STXBP5: variants seen among roughly 807,000 people sequenced by gnomAD.
STXBP5 encodes syntaxin binding protein 5.
In STXBP5, 50 loss-of-function variants were observed where a neutral mutation model predicts 152.4. That is an observed-to-expected ratio of 0.33 (90% CI 0.26 to 0.42). The LOEUF is 0.42. Ranked by LOEUF, STXBP5 falls within the 10% of genes least tolerant of loss-of-function variation. The pLI is 1.00. For synonymous variants in STXBP5, 492 were observed against 494.7 expected, an observed-to-expected ratio of 0.99 and a Z score of 0.07; for missense variants, 1,167 against 1,388.6, an observed-to-expected ratio of 0.84 and a Z score of 2.54.
At position 147,302,141 on chromosome 6, in the gene STXBP5, T is replaced by G. The variant is rs567330505; in HGVS notation, c.918-7943T>G. Reference sequence around the variant, plus strand: ...TATTTGTTTTTTAATTCATCACTGTTGAATTTAAACTGATATTACATATAT... The same window carrying G: ...TATTTGTTTTTTAATTCATCACTGTGGAATTTAAACTGATATTACATATAT... On this transcript the variant is annotated intron_variant, in intron 9 of 27. Coordinates refer to ENST00000321680, the MANE Select transcript of STXBP5 (RefSeq NM_001127715.4). Among the ~76,000 whole-genome samples, 174 of 152,268 alleles carry G rather than the reference T, an allele frequency of 1.1e-3. 2 individuals are homozygous for G. In the Middle Eastern group the frequency reaches 0.014, roughly 12 times the overall value.
At chr6:147,253,971 C>A (rs1156588758) in intron 4 of STXBP5, among the ~76,000 whole-genome samples, 1 of 151,890 alleles carries the variant, frequency 6.6e-6, no homozygotes, top group Non-Finnish European at 1.5e-5. Context: ...AACCAAAAAG[C>A]CCGTATAGCC....
At chr6:147,373,363 CAAAAAAAAAA>C (rs11341887) in intron 25 of STXBP5, among the ~76,000 whole-genome samples, 1 of 67,718 alleles carries the variant, frequency 1.5e-5, no homozygotes, top group Non-Finnish European at 2.7e-5. Context: ...GAGACTGTCT[CAAAAAAAAAA>C]AAAAAAAAAA....
intron 26 of STXBP5, among the ~76,000 whole-genome samples, chr6:147,382,154 C>G (rs1401033918): frequency 6.6e-6 from 1 of 152,030 alleles, no homozygotes; most frequent in Non-Finnish European, 1.5e-5. Flanking sequence ...TAAAAAGCAT[C>G]TGGATAGCAA....
intron 21 of STXBP5, chr6:147,351,944 T>G (rs1784605209): frequency 1.1e-6 from 1 of 952,158 alleles, no homozygotes; most frequent in African/African-American, 1.8e-5. Flanking sequence ...ACCTAATATA[T>G]TCATTCCTGT....
In STXBP5 at chr6:147,339,365, G is replaced by C; in HGVS notation, c.2235G>C (p.Lys745Asn). 1 of 1,498,328 alleles carries C rather than the reference G, an allele frequency of 6.7e-7. No homozygotes were observed. The allele number at this position is 1,498,328 out of a possible 1,614,324, so 92.8% of individuals were successfully genotyped here. The change falls in exon 21 of 28, where the codon AAG (lysine) becomes AAC (asparagine). Residue 745 changes from lysine to asparagine, a missense_variant. This residue lies in a region of STXBP5 where 833 missense variants were observed against 986.3 expected (regional missense o/e 0.84). Coordinates refer to ENST00000321680, the MANE Select transcript of STXBP5 (RefSeq NM_001127715.4). ...KVKTKSRKFSKMVANDIAKMS... is the reference protein window; with the variant it reads ...KVKTKSRKFSNMVANDIAKMS... ...AGACCAAAAGCAGAAAGTTTTCCAA[G>C]ATGGTAGCCAATGATATAGGTAGGA... is the stretch of plus-strand genomic sequence containing the variant.
At chr6:147,291,712 A>G (rs997574631) in intron 9 of STXBP5, among the ~76,000 whole-genome samples, 21 of 152,124 alleles carry the variant, frequency 1.4e-4, no homozygotes, top group African/African-American at 4.8e-4. Flanking sequence ...TATTTTATGT[A>G]TATTTTTGTG....
At chr6:147,384,028 T>C (rs1243411516) in intron 27 of STXBP5, among the ~76,000 whole-genome samples, 2 of 152,104 alleles carry the variant, frequency 1.3e-5, no homozygotes, top group African/African-American at 4.8e-5. Flanking sequence ...TTTCAGTCAA[T>C]TTCGGAATAT....
intron 4 of STXBP5, 75 bp downstream of exon 4, chr6:147,239,345 T>G: frequency 7.7e-7 from 1 of 1,295,258 alleles, no homozygotes; most frequent in East Asian, 2.4e-5. Flanking sequence ...CTTTGATTTT[T>G]TGTGTGTGAT....
In STXBP5 at chr6:147,359,187, T is replaced by C; in HGVS notation, c.2409T>C (p.Phe803=). 6.2e-7 allele frequency: 1 copy of C among 1,614,062 alleles called. No individual in the cohort carries two copies. Among genetic ancestry groups the C allele is most frequent in the South Asian group, 1.1e-5 (1 of 91,086 alleles). Residue 803 remains phenylalanine (F), a synonymous_variant, in exon 23 of 28, where the codon TTT becomes TTC. Coordinates refer to ENST00000321680, the MANE Select transcript of STXBP5 (RefSeq NM_001127715.4). ...AISALHFCET[F]TRKTDSSPSP... is the part of the protein sequence containing the mutation. ...CCGCTCTTCATTTCTGTGAAACGTTTACTCGAAAGACGGACTCGTCCCCTT... is the reference window on the plus strand; with the variant it reads ...CCGCTCTTCATTTCTGTGAAACGTTCACTCGAAAGACGGACTCGTCCCCTT...
Position 147,283,994 on chromosome 6 carries a change from T to A in STXBP5, c.838+5790T>A, listed in dbSNP as rs193296259. 8.1e-3 allele frequency among the ~76,000 whole-genome samples: 1,234 copies of A among 152,310 alleles called. 19 individuals are homozygous for A. The highest frequency in any genetic ancestry group is 0.028 in the African/African-American group (1,184 of 41,544). ...ATTCTAAATTTGCTAGTAACCATGT[T>A]AAAAACAGTAAAAAGAAACAGGTAA... On this transcript the variant is annotated intron_variant, in intron 8 of 27. Coordinates refer to ENST00000321680, the MANE Select transcript of STXBP5 (RefSeq NM_001127715.4).
intron 16 of STXBP5, among the ~76,000 whole-genome samples, chr6:147,324,534 T>A (rs1287200323): frequency 6.6e-6 from 1 of 152,138 alleles, no homozygotes; most frequent in Non-Finnish European, 1.5e-5. Flanking sequence ...CTTCCCAAAG[T>A]GCTGGGATTA....
chr6:147,366,024 C>A (rs939364674), intron 25 of STXBP5, among the ~76,000 whole-genome samples: 11 of 152,108 alleles, frequency 7.2e-5, no homozygotes, highest in African/African-American at 2.7e-4. Context: ...AAGAAGGTGT[C>A]CCAGCTTTAA....
At chr6:147,225,039 G>A (rs930573956) in intron 2 of STXBP5, among the ~76,000 whole-genome samples, 2 of 152,116 alleles carry the variant, frequency 1.3e-5, no homozygotes, top group South Asian at 2.1e-4. Context: ...ACTTAAAAAG[G>A]TTTAAATTAC....
chr6:147,257,301 G>T (rs1489558893), intron 4 of STXBP5, among the ~76,000 whole-genome samples: 1 of 151,432 alleles, frequency 6.6e-6, no homozygotes, highest in Non-Finnish European at 1.5e-5. Context: ...TCTTGGTTCA[G>T]CTTATCCATT....
At position 147,213,350 on chromosome 6, in the gene STXBP5, C is replaced by A. The variant is rs1035107200; in HGVS notation, c.248+7282C>A. ...CTCGCTGCAGCCTAGACCTCCCGGG[C>A]TCAAACGATCTTCCTGCCTCAGCTT... On this transcript the variant is annotated intron_variant, in intron 2 of 27. Transcript: ENST00000321680. Among the ~76,000 whole-genome samples, 4 of 151,280 alleles carry A rather than the reference C, an allele frequency of 2.6e-5. No homozygotes were observed. In the South Asian group the frequency reaches 8.4e-4, roughly 32 times the overall value.
chr6:147,222,899 C>T (rs1777530044), intron 2 of STXBP5, among the ~76,000 whole-genome samples: 1 of 152,214 alleles, frequency 6.6e-6, no homozygotes, highest in Non-Finnish European at 1.5e-5. Context: ...TCCTCAGTTA[C>T]AGTGCTTGCT....
chr6:147,233,584 A>G (rs1778118850), intron 2 of STXBP5, among the ~76,000 whole-genome samples: 1 of 151,782 alleles, frequency 6.6e-6, no homozygotes, highest in Non-Finnish European at 1.5e-5. Flanking sequence ...TTCATGTAAA[A>G]TGGGAATTAT....
chr6:147,245,466 C>A (rs1296510131), intron 4 of STXBP5, among the ~76,000 whole-genome samples: 1 of 152,060 alleles, frequency 6.6e-6, no homozygotes, highest in East Asian at 1.9e-4. Context: ...ATCACAGGGA[C>A]AAATTTGCCG....
At chr6:147,260,913 G>A (rs1481128490) in intron 5 of STXBP5, among the ~76,000 whole-genome samples, 164 bp downstream of exon 5, 2 of 151,942 alleles carry the variant, frequency 1.3e-5, no homozygotes, top group Non-Finnish European at 2.9e-5. Context: ...ATTTTGACAT[G>A]GCAATTTGTA....
Sources: gnomAD v4.1 joint callset for allele counts (sites outside exome capture counted in the v4.1 genomes callset) on GRCh38, gnomAD v4.1.1 for gene constraint, gnomAD v4.1.1 regional missense constraint, MANE v1.5 for transcripts, NCBI Gene and HGNC (gene_info 2026-07-23, HGNC 2026-07-21) for gene names.